The following COL26A1 variants were observed in gnomAD, a reference collection of about 807,000 sequenced individuals.
COL26A1 encodes the protein collagen alpha-1(XXVI) chain.
Under a neutral mutation model 59.3 loss-of-function variants are expected in COL26A1, and 41 were observed. That is an observed-to-expected ratio of 0.69 (90% CI 0.54 to 0.90). The LOEUF (loss-of-function observed/expected upper bound fraction) is 0.90, where lower values mean the gene tolerates loss of function less well. COL26A1 is among the 40% of genes least tolerant of loss of function. The pLI is 0.00. For missense variants in COL26A1, 612 were observed against 602.3 expected (o/e 1.02, Z -0.17); for synonymous variants, 266 against 256.0 (o/e 1.04, Z -0.37).
In COL26A1 at chr7:101,498,792, ATTG is replaced by A. The variant is rs376714404; in HGVS notation, c.386-34283_386-34281del. 6.2e-3 allele frequency among the ~76,000 whole-genome samples: 948 copies of A among 152,200 alleles called. 6 individuals are homozygous for A. Among genetic ancestry groups the A allele is most frequent in the African/African-American group, 0.022 (920 of 41,536 alleles). The stretch of plus-strand genomic sequence containing the variant: ...AGGATGTTTTCCCAAGTCAAAGGCT[ATTG>A]TTGTTGGGAGACGCAGGCTGGAGAG... On this transcript the variant is annotated intron_variant, in intron 3 of 12. Transcript: ENST00000313669.
Position 101,489,718 on chromosome 7 carries a change from T to TTTCTTTCGTTCG in COL26A1, c.385+41938_385+41939insGTTCGTTCTTTC. Among the ~76,000 whole-genome samples, 3 of 109,394 alleles carry TTTCTTTCGTTCG rather than the reference T, an allele frequency of 2.7e-5. No individual in the cohort carries two copies. The South Asian group carries it at 8.5e-4, about 31-fold the overall frequency. The allele number at this position is 109,394 out of a possible 152,430, so 71.8% of individuals were successfully genotyped here. A position where few individuals can be genotyped will look rare whatever the true frequency, so the allele number is the denominator to read the frequency against. On this transcript the variant is annotated intron_variant, in intron 3 of 12. Transcript: ENST00000313669. ...CTTTCTGTCTTTCTTTCTTTCATTCTTTCTTTCTCTCTCTCTTTCTCTCTT... is the reference window on the plus strand; with the variant it reads ...CTTTCTGTCTTTCTTTCTTTCATTCTTTCTTTCGTTCGTTCTTTCTCTCTCTCTTTCTCTCTT...
intron 3 of COL26A1, among the ~76,000 whole-genome samples, chr7:101,489,697 CT>C (rs1794363899): frequency 5.4e-5 from 1 of 18,686 alleles, no homozygotes; most frequent in South Asian, 3.4e-3. Flanking sequence ...TTCTTTCTTT[CT>C]GTCTTTCTTT....
At chr7:101,540,622 G>A (rs1015262636) in intron 5 of COL26A1, among the ~76,000 whole-genome samples, 1 of 149,842 alleles carries the variant, frequency 6.7e-6, no homozygotes, top group African/African-American at 2.5e-5. Flanking sequence ...GAAGGTCAAG[G>A]CAGGTGGATC....
chr7:101,372,251 C>T (rs529014613), intron 1 of COL26A1, among the ~76,000 whole-genome samples: 5 of 151,930 alleles, frequency 3.3e-5, no homozygotes, highest in South Asian at 4.2e-4. Context: ...CTGCAACCTC[C>T]GCCTCCAGGG....
At chr7:101,426,058 C>G (rs1347799890) in intron 2 of COL26A1, among the ~76,000 whole-genome samples, 2 of 152,068 alleles carry the variant, frequency 1.3e-5, no homozygotes, top group Non-Finnish European at 2.9e-5. Context: ...AACTCCTGAC[C>G]TCAAGTGATC....
chr7:101,365,653 G>A (rs1026759522), intron 1 of COL26A1, among the ~76,000 whole-genome samples: 5 of 151,950 alleles, frequency 3.3e-5, no homozygotes, highest in African/African-American at 1.2e-4. Flanking sequence ...CAAACTCCTG[G>A]CCTCAAATGA....
Position 101,532,539 on chromosome 7 carries a change from C to G in COL26A1, c.386-543C>G, listed in dbSNP as rs6966822. Among the ~76,000 whole-genome samples, 1,352 of 152,288 alleles carry G rather than the reference C, an allele frequency of 8.9e-3. 21 individuals are homozygous for G. Among genetic ancestry groups the G allele is most frequent in the African/African-American group, 0.031 (1,307 of 41,552 alleles). On this transcript the variant is annotated intron_variant, in intron 3 of 12. Coordinates refer to ENST00000313669, the MANE Select transcript of COL26A1 (RefSeq NM_001278563.3). ...GCATTTGCTCTTCTCTCTGCTGAACCTGGCCAGCTATTGTGCATTTCTCAG... is the reference window on the plus strand; with the variant it reads ...GCATTTGCTCTTCTCTCTGCTGAACGTGGCCAGCTATTGTGCATTTCTCAG...
chr7:101,419,462 C>T lies in COL26A1; in HGVS notation c.159-515C>T, dbSNP rs1011880657. On this transcript the variant is annotated intron_variant, in intron 1 of 12. Coordinates refer to ENST00000313669, the MANE Select transcript of COL26A1 (RefSeq NM_001278563.3). ...CTCTAGACTTGCCGTGGTCTCTCTC[C>T]GCTCTGTGCCTGTTACACCGCTGCT... Among the ~76,000 whole-genome samples, 15 of 152,180 alleles carry T rather than the reference C, an allele frequency of 9.9e-5. No individual in the cohort carries two copies. The East Asian group carries it at 1.6e-3, about 16-fold the overall frequency.
intron 2 of COL26A1, among the ~76,000 whole-genome samples, chr7:101,439,446 C>T (rs145237912): frequency 0.015 from 2,331 of 150,486 alleles, 61 homozygotes; most frequent in African/African-American, 0.054. Context: ...CCCAGCTACT[C>T]GAGAGGCTCA....
chr7:101,539,808 G>T lies in COL26A1; in HGVS notation c.448-85G>T. 4 of 1,357,058 alleles carry T rather than the reference G, an allele frequency of 2.9e-6. No homozygotes were observed. The South Asian group carries it at 4.2e-5, about 14-fold the overall frequency. The allele number at this position is 1,357,058 out of a possible 1,614,324, so 84.1% of individuals were successfully genotyped here. ...CGTGGACAGCTGCAGGTCTCATGGG[G>T]TGCACATGCATGTCCCTGTGTGTCA... On this transcript the variant is annotated intron_variant, in intron 4 of 12. Transcript: ENST00000313669.
At chr7:101,418,294 C>T (rs1206840595) in intron 1 of COL26A1, among the ~76,000 whole-genome samples, 1 of 147,510 alleles carries the variant, frequency 6.8e-6, no homozygotes, top group East Asian at 1.9e-4. Context: ...TCCTCATCTG[C>T]ATCTGTGCCC....
At chr7:101,490,685 A>G (rs1049458970) in intron 3 of COL26A1, among the ~76,000 whole-genome samples, 2 of 150,010 alleles carry the variant, frequency 1.3e-5, no homozygotes, top group African/African-American at 4.9e-5. Flanking sequence ...TGGGTAACAC[A>G]GTGAGACTCT....
chr7:101,486,329 C>T (rs919656615), intron 3 of COL26A1, among the ~76,000 whole-genome samples: 2 of 152,226 alleles, frequency 1.3e-5, no homozygotes, highest in African/African-American at 4.8e-5. Context: ...CACGTCCCCC[C>T]CAACCCCACA....
chr7:101,401,320 G>T (rs1584374882), intron 1 of COL26A1, among the ~76,000 whole-genome samples: 2 of 152,296 alleles, frequency 1.3e-5, no homozygotes, highest in East Asian at 3.9e-4. Context: ...TACCAGTGAT[G>T]ATGAGGGTGA....
intron 3 of COL26A1, 131 bp downstream of exon 3, chr7:101,447,918 G>C: frequency 1.5e-6 from 1 of 657,576 alleles, no homozygotes; most frequent in East Asian, 2.8e-5. Flanking sequence ...TTTCCCAATC[G>C]CCTCTGAAGC....
At chr7:101,547,324 G>A (rs1056817890) in intron 8 of COL26A1, 85 bp downstream of exon 8, 8 of 933,268 alleles carry the variant, frequency 8.6e-6, no homozygotes, top group African/African-American at 3.3e-5. Context: ...GGGAGCTGGA[G>A]GTCGGCTGGC....
chr7:101,551,844 G>A (rs1381143231), intron 10 of COL26A1, among the ~76,000 whole-genome samples: 3 of 152,110 alleles, frequency 2.0e-5, no homozygotes, highest in Non-Finnish European at 4.4e-5. Flanking sequence ...GGTGTGGGGC[G>A]GGGAGGAGGA....
At chr7:101,419,397 C>T (rs1313916081) in intron 1 of COL26A1, among the ~76,000 whole-genome samples, 2 of 152,094 alleles carry the variant, frequency 1.3e-5, no homozygotes, top group Non-Finnish European at 2.9e-5. Context: ...CAAGTGTGAG[C>T]CACTGTGCCT....
chr7:101,386,257 GTTTT>G (rs71106515), intron 1 of COL26A1, among the ~76,000 whole-genome samples: 1 of 117,674 alleles, frequency 8.5e-6, no homozygotes. Flanking sequence ...GTCCTAGCTT[GTTTT>G]TTTTTTTTTT....
Sources: allele counts gnomAD v4.1 joint callset (sites outside exome capture counted in the v4.1 genomes callset), GRCh38; gene constraint gnomAD v4.1.1; transcripts MANE v1.5; gene names NCBI Gene and HGNC (gene_info 2026-07-23, HGNC 2026-07-21).